Variants in KLC1 observed in about 807,000 individuals in gnomAD.
KLC1 encodes the protein kinesin light chain 1.
In KLC1, 30 loss-of-function variants were observed where a neutral mutation model predicts 84.2. That is an observed-to-expected ratio of 0.36 (90% confidence interval 0.27 to 0.48). KLC1 has a LOEUF of 0.48. KLC1 is among the 20% of genes least tolerant of loss of function. The pLI, the probability that KLC1 is intolerant of heterozygous loss-of-function variation, is 0.99. For missense variants in KLC1, 499 were observed against 805.4 expected (o/e 0.62, Z 4.60); for synonymous variants, 289 against 293.3 (o/e 0.99, Z 0.15).
At position 103,672,901 on chromosome 14, in the gene KLC1, A is replaced by G. The variant is rs113530766; in HGVS notation, c.988-113A>G. ...AGCCAGTTAAGGATTTAAATCTGAA[A>G]GTGTAGCACAGTCGTGCTTATGTTG... On this transcript the variant is annotated intron_variant, in intron 7 of 16. Coordinates refer to ENST00000334553, the MANE Select transcript of KLC1 (RefSeq NM_001394837.1). The G allele has an allele frequency of 5.5e-4, 482 of 883,886 alleles. 4 individuals carry two copies. The highest frequency in any genetic ancestry group is 7.5e-4 in the Non-Finnish European group (431 of 570,956). The allele number at this position is 883,886 out of a possible 1,614,324, so 54.8% of individuals were successfully genotyped here. A position where few individuals can be genotyped will look rare whatever the true frequency, so the allele number is the denominator to read the frequency against.
chr14:103,668,454 C>T (rs2080078135), intron 5 of KLC1, among the ~76,000 whole-genome samples: 1 of 152,128 alleles, frequency 6.6e-6, no homozygotes, highest in South Asian at 2.1e-4. Context: ...TTTTCCCCAT[C>T]CATAAGCTTG....
In KLC1 at chr14:103,662,122, A is replaced by C; in HGVS notation, c.499A>C (p.Lys167Gln). 1.9e-6 allele frequency: 3 copies of C among 1,613,538 alleles called. No individual in the cohort carries two copies. Among genetic ancestry groups the C allele is most frequent in the Non-Finnish European group, 1.7e-6 (2 of 1,179,456 alleles). ...YDDDISPSED[K>Q]DTDSTKEPLD... ...TCCTGGGTCTGTTTTATAGGAGGAC[A>C]AAGACACTGATTCTACCAAAGAGCC... is the stretch of plus-strand genomic sequence containing the variant. Residue 167 changes from lysine (K) to glutamine (Q), a missense_variant, in exon 4 of 17, where the codon AAA (lysine) becomes CAA (glutamine). Transcript: ENST00000334553.
chr14:103,666,305 C>T (rs541973337), intron 5 of KLC1, among the ~76,000 whole-genome samples: 5 of 152,254 alleles, frequency 3.3e-5, no homozygotes, highest in South Asian at 4.2e-4. Context: ...CCTTGTGATC[C>T]ACCCGCCTTG....
chr14:103,663,344 C>T (rs941463263), intron 5 of KLC1, among the ~76,000 whole-genome samples: 4 of 152,012 alleles, frequency 2.6e-5, no homozygotes, highest in African/African-American at 9.7e-5. Context: ...CCTCCCAAAA[C>T]GCTGGGATTA....
intron 15 of KLC1, chr14:103,698,984 G>T: frequency 6.3e-7 from 1 of 1,597,026 alleles, no homozygotes. Flanking sequence ...CCCAGGTTAT[G>T]CCAAGGGCTG....
chr14:103,686,990 C>G, intron 13 of KLC1, 91 bp from the exon 14 acceptor site: 1 of 1,030,340 alleles, frequency 9.7e-7, no homozygotes. Flanking sequence ...GCAGGGCGGC[C>G]TTGGTGGAGC....
intron 5 of KLC1, among the ~76,000 whole-genome samples, 183 bp downstream of exon 5, chr14:103,663,110 C>A (rs1421882546): frequency 3.4e-5 from 5 of 148,464 alleles, no homozygotes; most frequent in African/African-American, 1.2e-4. Flanking sequence ...GACGGAGTCT[C>A]GTTCTGTCAC....
chr14:103,682,733 A>C (rs2081464228), intron 13 of KLC1: 1 of 151,718 alleles, frequency 6.6e-6, no homozygotes, highest in East Asian at 1.9e-4. Flanking sequence ...CTGTATAATG[A>C]GAAAATGTGA....
intron 3 of KLC1, among the ~76,000 whole-genome samples, chr14:103,661,383 T>C (rs564019507): frequency 6.6e-6 from 1 of 152,350 alleles, no homozygotes; most frequent in African/African-American, 2.4e-5. Context: ...TTGGTGTTTT[T>C]GAAGAATGCA....
chr14:103,670,655 A>T (rs1358987470), intron 7 of KLC1, among the ~76,000 whole-genome samples: 2 of 151,254 alleles, frequency 1.3e-5, no homozygotes, highest in African/African-American at 2.4e-5. Flanking sequence ...GTTTTTAAAA[A>T]TTTTTCGGTT....
At chr14:103,667,153 C>T (rs2079930699) in intron 5 of KLC1, among the ~76,000 whole-genome samples, 1 of 151,896 alleles carries the variant, frequency 6.6e-6, no homozygotes, top group African/African-American at 2.4e-5. Flanking sequence ...CTCTTGTTGG[C>T]CAGGCTGGAG....
At chr14:103,696,196 G>A in intron 15 of KLC1, 1 of 983,740 alleles carries the variant, frequency 1.0e-6, no homozygotes, top group Non-Finnish European at 1.2e-6. Flanking sequence ...GCATATCTCT[G>A]GGTAGTTGGT....
chr14:103,673,361 C>G lies in KLC1; in HGVS notation c.1191C>G (p.Phe397Leu). 4 of 1,605,078 alleles carry G rather than the reference C, an allele frequency of 2.5e-6. No homozygotes were observed. Among genetic ancestry groups the G allele is most frequent in the Non-Finnish European group, 3.4e-6 (4 of 1,177,412 alleles). The change falls in exon 9 of 17, where the codon TTC becomes TTG. Residue 397 changes from phenylalanine (F) to leucine (L), a missense_variant. Phe to Leu is a conservative substitution (Grantham distance 22). Coordinates refer to ENST00000334553, the MANE Select transcript of KLC1 (RefSeq NM_001394837.1). ...LASCYLKQGK[F>L]KQAETLYKEI... is the part of the protein sequence containing the mutation. ...CCTGCTATTTGAAACAAGGAAAGTT[C>G]AAGCAAGCAGAAACACTGTACAAAG...
At position 103,677,416 on chromosome 14, in the gene KLC1, C is replaced by T; in HGVS notation, c.1381C>T (p.Pro461Ser). 1.9e-6 allele frequency: 3 copies of T among 1,595,672 alleles called. No individual in the cohort carries two copies. Among genetic ancestry groups the T allele is most frequent in the Non-Finnish European group, 1.7e-6 (2 of 1,163,170 alleles). ...TGTATGTCATGTGCTTTCTTACAGT[C>T]CAACTGTTACAACCACTCTAAAAAA... is the stretch of plus-strand genomic sequence containing the variant. ...GWYKACKVDS[P>S]TVTTTLKNLG... is the part of the protein sequence containing the mutation. The change falls in exon 12 of 17, where the codon CCA becomes TCA. Residue 461 changes from proline (P) to serine (S), a missense_variant and splice_region_variant. Pro to Ser is a moderately conservative substitution (Grantham distance 74). This residue lies in a region of KLC1 where 153 missense variants were observed against 332.4 expected (regional missense o/e 0.46). Coordinates refer to ENST00000334553, the MANE Select transcript of KLC1 (RefSeq NM_001394837.1).
At position 103,662,778 on chromosome 14, in the gene KLC1, C is replaced by G; in HGVS notation, c.648C>G (p.Leu216=). Residue 216 remains leucine, a synonymous_variant, in exon 5 of 17, where the codon CTC becomes CTG. Transcript: ENST00000334553. ...GYEIPARLRT[L]HNLVIQYASQ... ...AGATCCCCGCGCGGCTGCGGACGCT[C>G]CACAACCTGGTGATCCAGTACGCCT... 3.7e-6 allele frequency: 6 copies of G among 1,612,526 alleles called. No individual in the cohort carries two copies. Among genetic ancestry groups the G allele is most frequent in the Non-Finnish European group, 5.1e-6 (6 of 1,179,732 alleles).
Position 103,673,365 on chromosome 14 carries a change from C to G in KLC1, c.1195C>G (p.Gln399Glu). 2 of 1,605,734 alleles carry G rather than the reference C, an allele frequency of 1.2e-6. No homozygotes were observed. The highest frequency in any genetic ancestry group is 1.7e-6 in the Non-Finnish European group (2 of 1,177,624). The change falls in exon 9 of 17, where the codon CAA (glutamine) becomes GAA (glutamate). Residue 399 changes from glutamine to glutamate, a missense_variant. This residue lies in a region of KLC1 where 153 missense variants were observed against 332.4 expected (regional missense o/e 0.46). Transcript: ENST00000334553. ...CTATTTGAAACAAGGAAAGTTCAAGCAAGCAGAAACACTGTACAAAGAGAT... is the reference window on the plus strand; with the variant it reads ...CTATTTGAAACAAGGAAAGTTCAAGGAAGCAGAAACACTGTACAAAGAGAT... ...SCYLKQGKFK[Q>E]AETLYKEILT...
intron 5 of KLC1, among the ~76,000 whole-genome samples, chr14:103,664,525 C>T (rs1266781247): frequency 6.6e-6 from 1 of 151,936 alleles, no homozygotes; most frequent in Non-Finnish European, 1.5e-5. Flanking sequence ...TAGATTGAGA[C>T]ATTTCATTGC....
At chr14:103,685,617 T>C in intron 13 of KLC1, 1 of 1,289,324 alleles carries the variant, frequency 7.8e-7, no homozygotes. Flanking sequence ...GTGGGTTTTC[T>C]CTCTCCTTTC....
At chr14:103,686,199 A>G (rs1329092264) in intron 13 of KLC1, 3 of 986,482 alleles carry the variant, frequency 3.0e-6, no homozygotes, top group African/African-American at 1.7e-5. Context: ...GTGTCTTTCT[A>G]ACTTCTAATA....
Sources: gnomAD v4.1 joint callset for allele counts (sites outside exome capture counted in the v4.1 genomes callset) on GRCh38, gnomAD v4.1.1 for gene constraint, gnomAD v4.1.1 regional missense constraint, MANE v1.5 for transcripts, NCBI Gene and HGNC (gene_info 2026-07-23, HGNC 2026-07-21) for gene names.